GATAD1: variants seen among roughly 807,000 people sequenced by gnomAD.
GATAD1 encodes the protein GATA zinc finger domain containing 1, also known as GATA zinc finger domain-containing protein 1.
Under a neutral mutation model 26.5 loss-of-function variants are expected in GATAD1, and 12 were observed. That is an observed-to-expected ratio of 0.45 (90% CI 0.29 to 0.73). GATAD1 has a LOEUF of 0.73. Among genes scored for constraint, GATAD1 ranks in the 30% least tolerant of loss-of-function variants. GATAD1 has a pLI of 0.10. For missense variants in GATAD1, 266 were observed against 342.1 expected, an observed-to-expected ratio of 0.78 and a Z score of 1.75; for synonymous variants, 129 against 133.1, an observed-to-expected ratio of 0.97 and a Z score of 0.21.
chr7:92,456,470 G>A lies in GATAD1; in HGVS notation c.718G>A (p.Val240Ile). The change falls in exon 5 of 5, where the codon GTT becomes ATT. Residue 240 changes from valine (V) to isoleucine (I), a missense_variant. Coordinates refer to ENST00000287957, the MANE Select transcript of GATAD1 (RefSeq NM_021167.5). ...GTCACGGTCATCACCATTTCCCACA[G>A]TTCCCACCAGACCAGAGAAGGGCTA... Reference protein sequence around the residue: ...FKSRSSPFPTVPTRPEKGYIW... With the variant: ...FKSRSSPFPTIPTRPEKGYIW... 6.2e-7 allele frequency: 1 copy of A among 1,612,202 alleles called. No individual in the cohort carries two copies.
the GATAD1 span, chr7:92,465,186 T>A: frequency 6.6e-6 from 1 of 152,144 alleles, no homozygotes; most frequent in Non-Finnish European, 1.5e-5. Context: ...CCGAAAGAAA[T>A]TGGGTAAATG....
At chr7:92,491,753 T>G in the GATAD1 span, 23 of 462,872 alleles carry the variant, frequency 5.0e-5, no homozygotes, top group African/African-American at 3.3e-4. Context: ...AAGCTAAGAC[T>G]CAGACCTCTG....
the GATAD1 span, among the ~76,000 whole-genome samples, chr7:92,486,398 T>C: frequency 1.2e-3 from 178 of 152,344 alleles, no homozygotes; most frequent in African/African-American, 3.3e-3. Flanking sequence ...GGCTATCCCA[T>C]AGACATTGCT....
chr7:92,493,187 A>C, the GATAD1 span: 3 of 962,200 alleles, frequency 3.1e-6, no homozygotes, highest in Non-Finnish European at 4.7e-6. Context: ...TATTATCTTA[A>C]ATTGTGTATC....
At chr7:92,462,462 TAC>T (rs1789956268), downstream of GATAD1, among the ~76,000 whole-genome samples, 1 of 152,194 alleles carries the variant, frequency 6.6e-6, no homozygotes, top group African/African-American at 2.4e-5. Flanking sequence ...TAGTTGGAAT[TAC>T]AGTCATTTTA....
the GATAD1 span, among the ~76,000 whole-genome samples, chr7:92,484,396 C>T: frequency 6.6e-6 from 1 of 152,006 alleles, no homozygotes; most frequent in Non-Finnish European, 1.5e-5. Flanking sequence ...AGTTGACGTA[C>T]CACCAAGGGA....
the GATAD1 span, chr7:92,492,812 A>G: frequency 1.4e-6 from 1 of 719,702 alleles, no homozygotes; most frequent in South Asian, 1.6e-5. Flanking sequence ...ACTATGGAAC[A>G]TTCAACTAAA....
At chr7:92,468,639 G>A in the GATAD1 span, 7 of 583,038 alleles carry the variant, frequency 1.2e-5, no homozygotes, top group African/African-American at 7.4e-5. Flanking sequence ...AGGTGGATGT[G>A]GTCACCTTCC....
Position 92,448,160 on chromosome 7 carries a change from G to A in GATAD1, c.249+182G>A, listed in dbSNP as rs6963874. On this transcript the variant is annotated intron_variant, in intron 1 of 4. Transcript: ENST00000287957. ...GGCCCATTCCGAAGCACCTGTTATTGTAAGAAATTCAAAGCAATAAGAACC... is the reference window on the plus strand; with the variant it reads ...GGCCCATTCCGAAGCACCTGTTATTATAAGAAATTCAAAGCAATAAGAACC... 0.043 allele frequency among the ~76,000 whole-genome samples: 6,541 copies of A among 152,274 alleles called. 177 individuals carry two copies. The highest frequency in any genetic ancestry group is 0.062 in the African/African-American group (2,561 of 41,540).
chr7:92,474,704 G>A, the GATAD1 span: 1 of 152,224 alleles, frequency 6.6e-6, no homozygotes, highest in African/African-American at 2.4e-5. Flanking sequence ...TGATTTAGCA[G>A]TGACATTATA....
At chr7:92,494,028 A>G in the GATAD1 span, 1 of 408,270 alleles carries the variant, frequency 2.4e-6, no homozygotes, top group Admixed American at 3.8e-5. Flanking sequence ...TAATGTGAAA[A>G]TATAATACAT....
the GATAD1 span, among the ~76,000 whole-genome samples, chr7:92,467,261 C>G: frequency 6.6e-6 from 1 of 151,888 alleles, no homozygotes; most frequent in African/African-American, 2.4e-5. Context: ...GAGGTTGAGC[C>G]GAGATTGCAC....
the GATAD1 span, chr7:92,468,829 G>A: frequency 1.3e-6 from 1 of 764,168 alleles, no homozygotes. Context: ...CTCAGGAGGG[G>A]TGCCTTTGAT....
the GATAD1 span, chr7:92,469,442 G>A: frequency 3.8e-5 from 29 of 770,356 alleles, no homozygotes; most frequent in Admixed American, 8.5e-5. Flanking sequence ...CTTTTGTTGC[G>A]GGGCTTAGAT....
the GATAD1 span, chr7:92,469,304 G>A: frequency 2.2e-4 from 167 of 762,342 alleles, no homozygotes; most frequent in African/African-American, 1.5e-3. Flanking sequence ...TCGGCGACCC[G>A]TTCCATGTCC....
At chr7:92,487,511 T>A in the GATAD1 span, 2 of 1,592,538 alleles carry the variant, frequency 1.3e-6, no homozygotes, top group Non-Finnish European at 1.7e-6. Context: ...TTTGATTTTT[T>A]CTCCTCTTTG....
At chr7:92,463,977 G>A (rs1357317471), downstream of GATAD1, among the ~76,000 whole-genome samples, 1 of 152,056 alleles carries the variant, frequency 6.6e-6, no homozygotes, top group East Asian at 1.9e-4. Context: ...CAAAAAAAAG[G>A]TTAAAATTGT....
At chr7:92,489,707 G>A in the GATAD1 span, 2 of 1,609,866 alleles carry the variant, frequency 1.2e-6, no homozygotes, top group Non-Finnish European at 1.7e-6. Context: ...GGGGGAAAAA[G>A]CCATACTCCA....
At chr7:92,461,701 A>G (rs941129564), downstream of GATAD1, among the ~76,000 whole-genome samples, 17 of 152,194 alleles carry the variant, frequency 1.1e-4, no homozygotes, top group Admixed American at 6.5e-5. Context: ...AAAATGGGAG[A>G]AACAGCTCCC....
Sources: allele counts gnomAD v4.1 joint callset (sites outside exome capture counted in the v4.1 genomes callset), GRCh38; gene constraint gnomAD v4.1.1; transcripts MANE v1.5; gene names NCBI Gene and HGNC (gene_info 2026-07-23, HGNC 2026-07-21).